Variants in ANO4 observed in about 807,000 individuals in gnomAD.
ANO4 encodes the protein anoctamin-4.
ANO4 carries 69 observed loss-of-function variants against 141.9 expected under a neutral mutation model. The observed-to-expected ratio is 0.49, with a 90% CI of 0.40 to 0.59. ANO4 has a LOEUF of 0.59. Among genes scored for constraint, ANO4 ranks in the 20% least tolerant of loss-of-function variants. The pLI is 0.00. For synonymous variants in ANO4, 350 were observed against 394.3 expected, an observed-to-expected ratio of 0.89 and a Z score of 1.33; for missense variants, 894 against 1,162.2, an observed-to-expected ratio of 0.77 and a Z score of 3.36.
chr12:100,906,970 G>A (rs750423220), intron 2 of ANO4, among the ~76,000 whole-genome samples: 15 of 152,168 alleles, frequency 9.9e-5, no homozygotes, highest in South Asian at 8.3e-4. Flanking sequence ...TCTGAGAAGA[G>A]ATTGACGACA....
chr12:100,849,296 G>T (rs1565933697), intron 1 of ANO4, among the ~76,000 whole-genome samples: 1 of 152,162 alleles, frequency 6.6e-6, no homozygotes, highest in Non-Finnish European at 1.5e-5. Flanking sequence ...AAATTGTTCT[G>T]TATGTATTTT....
chr12:100,744,338 A>T (rs549859313), intron 3 of ANO4, among the ~76,000 whole-genome samples: 126 of 152,170 alleles, frequency 8.3e-4, no homozygotes, highest in Non-Finnish European at 1.4e-3. Flanking sequence ...AGAAAAGAAA[A>T]AAAAGAGGCT....
chr12:101,065,974 T>C (rs2048566777), intron 14 of ANO4, among the ~76,000 whole-genome samples: 1 of 152,202 alleles, frequency 6.6e-6, no homozygotes, highest in Admixed American at 6.5e-5. Context: ...AGTCAACCAG[T>C]GTGATACATC....
In ANO4 at chr12:101,042,440, G is replaced by A. The variant is rs116925463; in HGVS notation, c.1126G>A (p.Val376Ile). ...TGGATTGTTTGTCTTTTTGTATGGC[G>A]TCACCACTCTGGATCACAGCCAAGT... ...FIGLFVFLYGVTTLDHSQVSK... is the reference protein window; with the variant it reads ...FIGLFVFLYGITTLDHSQVSK... The change falls in exon 12 of 28, where the codon GTC becomes ATC. Residue 376 changes from valine (V) to isoleucine (I), a missense_variant. Transcript: ENST00000392977. 7,820 of 1,614,056 alleles carry A rather than the reference G, an allele frequency of 4.8e-3. 16 individuals carry two copies. Among genetic ancestry groups the A allele is most frequent in the Non-Finnish European group, 6.1e-3 (7,187 of 1,179,992 alleles).
chr12:100,886,499 G>C (rs1266079907), intron 1 of ANO4, among the ~76,000 whole-genome samples: 1 of 152,012 alleles, frequency 6.6e-6, no homozygotes, highest in Non-Finnish European at 1.5e-5. Context: ...ACCATGGGGG[G>C]CGTGCTCTTC....
intron 14 of ANO4, among the ~76,000 whole-genome samples, chr12:101,073,566 T>TATAATA (rs55723203): frequency 0.025 from 3,580 of 143,602 alleles, 47 homozygotes; most frequent in East Asian, 0.046. Flanking sequence ...GAACTTAAAG[T>TATAATA]ATAATAATAA....
chr12:100,882,898 T>TC (rs1356232947), intron 1 of ANO4, among the ~76,000 whole-genome samples: 1 of 152,044 alleles, frequency 6.6e-6, no homozygotes, highest in Non-Finnish European at 1.5e-5. Flanking sequence ...ACGAGGTTTC[T>TC]CCATGTTGGC....
At chr12:100,751,702 C>A (rs573587129) in intron 3 of ANO4, among the ~76,000 whole-genome samples, 1 of 152,026 alleles carries the variant, frequency 6.6e-6, no homozygotes. Context: ...GTGACCCAAG[C>A]AGACAAGGCT....
intron 14 of ANO4, among the ~76,000 whole-genome samples, chr12:101,066,435 A>G (rs1178671910): frequency 1.3e-5 from 2 of 152,266 alleles, no homozygotes; most frequent in Non-Finnish European, 2.9e-5. Flanking sequence ...GTCAACATAC[A>G]AAAATCAGTA....
intron 3 of ANO4, among the ~76,000 whole-genome samples, chr12:100,780,722 G>C (rs370538677): frequency 6.6e-6 from 1 of 152,094 alleles, no homozygotes; most frequent in Non-Finnish European, 1.5e-5. Flanking sequence ...CACAAGTACT[G>C]CTGATCTCCT....
intron 16 of ANO4, among the ~76,000 whole-genome samples, chr12:101,085,714 C>T (rs2049464704): frequency 6.6e-6 from 1 of 152,118 alleles, no homozygotes; most frequent in Non-Finnish European, 1.5e-5. Flanking sequence ...TTCAGGGAAA[C>T]ATGCTTCAGT....
At chr12:100,960,260 GCACA>G (rs56705970) in intron 5 of ANO4, among the ~76,000 whole-genome samples, 4 of 149,896 alleles carry the variant, frequency 2.7e-5, no homozygotes, top group Admixed American at 1.3e-4. Flanking sequence ...TCACACACAC[GCACA>G]CACACACACA....
At chr12:100,917,180 A>G (rs947213344) in intron 2 of ANO4, among the ~76,000 whole-genome samples, 6 of 152,258 alleles carry the variant, frequency 3.9e-5, no homozygotes, top group African/African-American at 1.4e-4. Context: ...TTTTGTAGCT[A>G]TTCTTGATTT....
chr12:101,121,523 G>A (rs1215651938), intron 26 of ANO4, among the ~76,000 whole-genome samples: 1 of 152,112 alleles, frequency 6.6e-6, no homozygotes, highest in East Asian at 1.9e-4. Flanking sequence ...TTGCTATTGT[G>A]AATAGTCCTG....
At chr12:100,819,114 A>G (rs1487003586) in intron 1 of ANO4, among the ~76,000 whole-genome samples, 1 of 140,298 alleles carries the variant, frequency 7.1e-6, no homozygotes, top group Non-Finnish European at 1.6e-5. Flanking sequence ...ATGACATTAG[A>G]TGAATTTTTT....
intron 5 of ANO4, among the ~76,000 whole-genome samples, chr12:100,946,820 G>C (rs1199453624): frequency 1.3e-5 from 2 of 152,204 alleles, no homozygotes; most frequent in African/African-American, 4.8e-5. Context: ...TGATAAAAAG[G>C]AGGCAGCAGA....
intron 3 of ANO4, among the ~76,000 whole-genome samples, chr12:100,764,550 A>C (rs1019532428): frequency 1.3e-5 from 2 of 152,242 alleles, no homozygotes; most frequent in Admixed American, 6.5e-5. Context: ...ATAACAGTAT[A>C]ATCAAGCAAG....
chr12:100,739,604 T>C (rs1015584521), intron 2 of ANO4, among the ~76,000 whole-genome samples: 1 of 152,160 alleles, frequency 6.6e-6, no homozygotes, highest in African/African-American at 2.4e-5. Flanking sequence ...AGGTCTTATT[T>C]CCTTTATTGA....
At chr12:100,930,951 T>C (rs2042067177) in intron 3 of ANO4, among the ~76,000 whole-genome samples, 1 of 152,118 alleles carries the variant, frequency 6.6e-6, no homozygotes, top group East Asian at 1.9e-4. Flanking sequence ...GGCTGTAGGG[T>C]TCCAGAGAAC....
Sources: allele counts gnomAD v4.1 joint callset (sites outside exome capture counted in the v4.1 genomes callset), GRCh38; gene constraint gnomAD v4.1.1; transcripts MANE v1.5; gene names NCBI Gene and HGNC (gene_info 2026-07-23, HGNC 2026-07-21).